The following RYR3 variants were observed in gnomAD, a reference collection of about 807,000 sequenced individuals.
The protein encoded by RYR3 is brain ryanodine receptor-calcium release channel.
Under a neutral mutation model 584.3 loss-of-function variants are expected in RYR3, and 207 were observed. That is an observed-to-expected ratio of 0.35 (90% CI 0.32 to 0.40). RYR3 has a LOEUF of 0.40. Ranked by LOEUF, RYR3 falls within the 10% of genes least tolerant of loss-of-function variation. RYR3 has a pLI of 1.00. For missense variants in RYR3, 5,616 were observed against 6,089.2 expected (o/e 0.92, Z 2.59); for synonymous variants, 2,416 against 2,248.5 (o/e 1.07, Z -2.11).
intron 43 of RYR3, among the ~76,000 whole-genome samples, chr15:33,713,719 C>G (rs771569958): frequency 6.6e-6 from 1 of 152,204 alleles, no homozygotes; most frequent in Non-Finnish European, 1.5e-5. Flanking sequence ...TCTTACACTT[C>G]TGAAAGCTGG....
chr15:33,783,490 TATAA>T (rs1430900461), intron 65 of RYR3, among the ~76,000 whole-genome samples: 3 of 152,360 alleles, frequency 2.0e-5, no homozygotes, highest in Non-Finnish European at 4.4e-5. Context: ...GCCAATTACG[TATAA>T]ATAACTTTTA....
At chr15:33,405,219 A>T (rs2042942325) in intron 1 of RYR3, among the ~76,000 whole-genome samples, 1 of 152,240 alleles carries the variant, frequency 6.6e-6, no homozygotes, top group Non-Finnish European at 1.5e-5. Flanking sequence ...TGATCCAGCA[A>T]CCATGAGTGG....
chr15:33,491,885 G>A (rs1285632358), intron 2 of RYR3, among the ~76,000 whole-genome samples: 1 of 152,160 alleles, frequency 6.6e-6, no homozygotes, highest in Non-Finnish European at 1.5e-5. Flanking sequence ...CATGCCCTGG[G>A]TGAAAGATGT....
chr15:33,735,571 G>T (rs1375459612), intron 48 of RYR3, among the ~76,000 whole-genome samples: 2 of 151,958 alleles, frequency 1.3e-5, no homozygotes, highest in Non-Finnish European at 2.9e-5. Flanking sequence ...GTTCCACTAG[G>T]TTTTTTTTAA....
intron 5 of RYR3, among the ~76,000 whole-genome samples, chr15:33,536,475 A>G (rs919605268): frequency 4.6e-5 from 7 of 152,190 alleles, no homozygotes; most frequent in Non-Finnish European, 1.0e-4. Flanking sequence ...TACCCACACT[A>G]AAAGTGTTAT....
chr15:33,709,702 T>C (rs1325438726), intron 43 of RYR3, among the ~76,000 whole-genome samples: 2 of 152,220 alleles, frequency 1.3e-5, no homozygotes, highest in African/African-American at 4.8e-5. Context: ...TCCTTGATCT[T>C]GGACTTCTCA....
chr15:33,536,177 A>T lies in RYR3; in HGVS notation c.433+2788A>T, dbSNP rs77373182. Among the ~76,000 whole-genome samples the T allele has an allele frequency of 1.3e-4, 20 of 152,058 alleles. No individual in the cohort carries two copies. In the East Asian group the frequency reaches 3.9e-3, roughly 29 times the overall value. ...CTCTGAATGCACTTCTGGCTCAGAAACCCCTTCAGAGTTGTAAACAAGTAA... is the reference window on the plus strand; with the variant it reads ...CTCTGAATGCACTTCTGGCTCAGAATCCCCTTCAGAGTTGTAAACAAGTAA... On this transcript the variant is annotated intron_variant, in intron 5 of 103. Transcript: ENST00000634891.
At chr15:33,863,513 G>C (rs562821335) in intron 102 of RYR3, among the ~76,000 whole-genome samples, 2 of 152,086 alleles carry the variant, frequency 1.3e-5, no homozygotes, top group Non-Finnish European at 2.9e-5. Flanking sequence ...CTTTGGAAAC[G>C]GTCTCTGAGA....
chr15:33,518,563 T>G (rs2053716625), intron 3 of RYR3, among the ~76,000 whole-genome samples: 1 of 152,134 alleles, frequency 6.6e-6, no homozygotes, highest in African/African-American at 2.4e-5. Flanking sequence ...GGAAGTCAGG[T>G]TTTACTGTCA....
intron 1 of RYR3, among the ~76,000 whole-genome samples, chr15:33,349,281 A>G (rs1182441118): frequency 6.6e-6 from 1 of 152,128 alleles, no homozygotes; most frequent in African/African-American, 2.4e-5. Flanking sequence ...GTTTCAGCCT[A>G]ATTGGGTAAA....
At chr15:33,791,136 G>C (rs1006011363) in intron 67 of RYR3, among the ~76,000 whole-genome samples, 1 of 152,228 alleles carries the variant, frequency 6.6e-6, no homozygotes, top group Admixed American at 6.5e-5. Context: ...AAGGAGAACA[G>C]AGAAATGGGA....
At chr15:33,566,380 C>T (rs7164455) in intron 11 of RYR3, among the ~76,000 whole-genome samples, 99,792 of 152,072 alleles carry the variant, frequency 0.66, 33,698 homozygotes, top group Middle Eastern at 0.76. Flanking sequence ...GAAAATCAAT[C>T]ATGAGGTATG....
In RYR3 at chr15:33,662,299, T is replaced by A; in HGVS notation, c.4769T>A (p.Phe1590Tyr). 6.2e-7 allele frequency: 1 copy of A among 1,611,562 alleles called. No individual in the cohort carries two copies. Among genetic ancestry groups the A allele is most frequent in the Non-Finnish European group, 8.5e-7 (1 of 1,179,026 alleles). The change falls in exon 35 of 104, where the codon TTC (phenylalanine) becomes TAC (tyrosine). Residue 1590 changes from phenylalanine (F) to tyrosine (Y), a missense_variant. This residue lies in a region of RYR3 where 753 missense variants were observed against 741.0 expected (regional missense o/e 1.02). Transcript: ENST00000634891. ...AGCCACGTGGACCTCTCCCAGCTCT[T>A]CTATGCCATTGACAACAAGTACCTC... Reference protein sequence around the residue: ...LCSHVDLSQLFYAIDNKYLPG... With the variant: ...LCSHVDLSQLYYAIDNKYLPG...
At chr15:33,830,669 A>C in intron 85 of RYR3, 1 of 237,302 alleles carries the variant, frequency 4.2e-6, no homozygotes. Context: ...GATTATTTGG[A>C]TAATTACCAT....
At chr15:33,538,072 G>T (rs2055487625) in intron 5 of RYR3, among the ~76,000 whole-genome samples, 1 of 151,694 alleles carries the variant, frequency 6.6e-6, no homozygotes, top group South Asian at 2.1e-4. Context: ...GCTGTTTCAT[G>T]AATGTCCTCT....
At chr15:33,476,026 T>A (rs1438660853) in intron 2 of RYR3, among the ~76,000 whole-genome samples, 1 of 152,184 alleles carries the variant, frequency 6.6e-6, no homozygotes, top group Non-Finnish European at 1.5e-5. Context: ...TTGATAATAA[T>A]ACTAAGTATA....
At chr15:33,631,521 A>G (rs987164867) in intron 23 of RYR3, among the ~76,000 whole-genome samples, 3 of 151,974 alleles carry the variant, frequency 2.0e-5, no homozygotes, top group Non-Finnish European at 2.9e-5. Context: ...TCACACTAAT[A>G]TTGTTAGTTT....
Position 33,548,153 on chromosome 15 carries a change from G to T in RYR3, c.764G>T (p.Gly255Val). ...QHRRIFYEAG[G>V]AGTRARSLWR... ...AGGAGGATATTCTACGAAGCTGGGGGAGCTGGGACTCGAGCCAGGTCTCTT... is the reference window on the plus strand; with the variant it reads ...AGGAGGATATTCTACGAAGCTGGGGTAGCTGGGACTCGAGCCAGGTCTCTT... Residue 255 changes from glycine to valine, a missense_variant, in exon 9 of 104, where the codon GGA becomes GTA. Gly to Val is a moderately radical substitution (Grantham distance 109, BLOSUM62 -3). Transcript: ENST00000634891. 1 of 1,612,762 alleles carries T rather than the reference G, an allele frequency of 6.2e-7. No individual in the cohort carries two copies. The highest frequency in any genetic ancestry group is 8.5e-7 in the Non-Finnish European group (1 of 1,179,374).
At chr15:33,730,120 ATTAT>A (rs1159632838) in intron 47 of RYR3, among the ~76,000 whole-genome samples, 1 of 152,088 alleles carries the variant, frequency 6.6e-6, no homozygotes, top group Non-Finnish European at 1.5e-5. Flanking sequence ...ATTATGAATA[ATTAT>A]TTGTGAATAA....
Sources: allele counts gnomAD v4.1 joint callset (sites outside exome capture counted in the v4.1 genomes callset), GRCh38; gene constraint gnomAD v4.1.1; regional missense constraint gnomAD v4.1.1; transcripts MANE v1.5; gene names NCBI Gene and HGNC (gene_info 2026-07-23, HGNC 2026-07-21).